Variants in FGF14 observed in about 807,000 individuals in gnomAD.
The protein encoded by FGF14 is fibroblast growth factor homologous factor 4.
FGF14 carries 5 observed loss-of-function variants against 25.5 expected under a neutral mutation model. The observed-to-expected ratio is 0.20, with a 90% CI of 0.10 to 0.41. The LOEUF (loss-of-function observed/expected upper bound fraction) is 0.41. FGF14 is among the 10% of genes least tolerant of loss of function. The probability of loss-of-function intolerance (pLI) is 1.00; values close to 1 mark genes in which losing one functional copy is unlikely to be tolerated. For synonymous variants in FGF14, 138 were observed against 118.3 expected, an observed-to-expected ratio of 1.17 and a Z score of -1.08; for missense variants, 222 against 320.1, an observed-to-expected ratio of 0.69 and a Z score of 2.34.
In FGF14 at chr13:102,256,285, C is replaced by T. The variant is rs116878743; in HGVS notation, c.208+145186G>A. ...GCATTTTGGAAGACCGAGAGCTTAG[C>T]GGTTCAAGACCAACCTGGGCAACAC... On this transcript the variant is annotated intron_variant, in intron 1 of 4. Coordinates refer to the FGF14 transcript ENST00000376131. Among the ~76,000 whole-genome samples, 1,401 of 151,820 alleles carry T rather than the reference C, an allele frequency of 9.2e-3. 6 individuals are homozygous for T. Among genetic ancestry groups the T allele is most frequent in the Middle Eastern group, 0.034 (10 of 294 alleles).
chr13:101,776,695 A>G (rs1243213149), intron 3 of FGF14, among the ~76,000 whole-genome samples: 1 of 152,174 alleles, frequency 6.6e-6, no homozygotes, highest in African/African-American at 2.4e-5. Context: ...AGCATGTTCT[A>G]TAGCTACTCT....
chr13:102,189,240 A>C (rs1755005), intron 1 of FGF14, among the ~76,000 whole-genome samples: 30,498 of 151,978 alleles, frequency 0.2, 3,218 homozygotes, highest in South Asian at 0.24. Flanking sequence ...AGTTGGTTTT[A>C]GTCAAATTGA....
chr13:102,161,564 GTGAAGAAAGAAAGAAGAAGAAGA>G lies in FGF14; in HGVS notation c.208+239884_208+239906del, dbSNP rs1566763503. 8.7e-3 allele frequency among the ~76,000 whole-genome samples: 76 copies of G among 8,704 alleles called. 4 individuals carry two copies. Among genetic ancestry groups the G allele is most frequent in the Non-Finnish European group, 0.012 (65 of 5,554 alleles). The allele number at this position is 8,704 out of a possible 152,430, so 5.7% of individuals were successfully genotyped here. On this transcript the variant is annotated intron_variant, in intron 1 of 4. Transcript: ENST00000376131. ...ATATTCTCTATGCAACCAACTTTCTGTGAAGAAAGAAAGAAGAAGAAGAAGAAGAAGAAGAAGAAGAAGAAGAA... is the reference window on the plus strand; with the variant it reads ...ATATTCTCTATGCAACCAACTTTCTGAGAAGAAGAAGAAGAAGAAGAAGAA...
At chr13:102,128,170 G>A (rs1004008868) in intron 1 of FGF14, among the ~76,000 whole-genome samples, 1 of 152,166 alleles carries the variant, frequency 6.6e-6, no homozygotes, top group Non-Finnish European at 1.5e-5. Context: ...CTGTGCCTCG[G>A]CTTTCTCATC....
At chr13:102,277,005 G>A (rs925951073) in intron 1 of FGF14, among the ~76,000 whole-genome samples, 3 of 152,166 alleles carry the variant, frequency 2.0e-5, no homozygotes, top group African/African-American at 7.2e-5. Context: ...CTACAAAGAT[G>A]ATGGAAGGAT....
At chr13:101,949,603 A>G (rs1189938741) in intron 1 of FGF14, among the ~76,000 whole-genome samples, 2 of 152,160 alleles carry the variant, frequency 1.3e-5, no homozygotes, top group Non-Finnish European at 2.9e-5. Flanking sequence ...TTACTGTACT[A>G]TGGGGATTTA....
chr13:102,111,708 T>G (rs1282671647), intron 1 of FGF14, among the ~76,000 whole-genome samples: 1 of 147,566 alleles, frequency 6.8e-6, no homozygotes, highest in Non-Finnish European at 1.5e-5. Context: ...AGAGCAAGAT[T>G]CTGTCTAAAA....
intron 1 of FGF14, among the ~76,000 whole-genome samples, chr13:102,245,260 A>G (rs1338954379): frequency 1.3e-5 from 2 of 152,142 alleles, no homozygotes; most frequent in Admixed American, 1.3e-4. Flanking sequence ...AGAATAATGT[A>G]GTTGTGTGTC....
rs575533742 is a variant in FGF14, at chr13:101,970,909, A to G, written c.209-95613T>C. Among the ~76,000 whole-genome samples the G allele has an allele frequency of 9.9e-5, 15 of 152,202 alleles. No homozygotes were observed. In the East Asian group the frequency reaches 2.9e-3, roughly 29 times the overall value. On this transcript the variant is annotated intron_variant, in intron 1 of 4. Coordinates refer to the FGF14 transcript ENST00000376131. The stretch of plus-strand genomic sequence containing the variant: ...ACCCTCCAGGAGCCTTGAAGCCCCT[A>G]TTTCTCTCTGTAGCTCAAAATGATA...
chr13:102,280,319 C>T (rs908991785), intron 1 of FGF14, among the ~76,000 whole-genome samples: 24 of 152,150 alleles, frequency 1.6e-4, no homozygotes, highest in African/African-American at 5.8e-4. Context: ...AGAGAACTGC[C>T]TTTGTTTAGG....
chr13:102,135,804 C>T (rs1228546606), intron 1 of FGF14, among the ~76,000 whole-genome samples: 1 of 152,106 alleles, frequency 6.6e-6, no homozygotes, highest in Non-Finnish European at 1.5e-5. Context: ...TACAAGCATG[C>T]ATCACCACGC....
At chr13:101,811,320 A>G (rs1002898063) in intron 3 of FGF14, among the ~76,000 whole-genome samples, 1 of 152,054 alleles carries the variant, frequency 6.6e-6, no homozygotes, top group African/African-American at 2.4e-5. Context: ...TCCTGTCTCT[A>G]TCATTGTGCT....
At chr13:102,057,957 C>A (rs1595132834) in intron 1 of FGF14, among the ~76,000 whole-genome samples, 1 of 152,276 alleles carries the variant, frequency 6.6e-6, no homozygotes, top group South Asian at 2.1e-4. Context: ...TGAAATTCCT[C>A]CACTGATAAT....
chr13:102,195,353 AAG>A (rs1310237366), intron 1 of FGF14, among the ~76,000 whole-genome samples: 25 of 152,176 alleles, frequency 1.6e-4, no homozygotes, highest in African/African-American at 6.0e-4. Context: ...AGCACAAAGA[AAG>A]GGGGAAAAGT....
intron 1 of FGF14, among the ~76,000 whole-genome samples, chr13:102,038,690 C>A (rs1245725807): frequency 6.6e-6 from 1 of 152,176 alleles, no homozygotes; most frequent in Non-Finnish European, 1.5e-5. Context: ...CACTGTGAGA[C>A]AGTCAGATCC....
intron 1 of FGF14, among the ~76,000 whole-genome samples, chr13:102,305,820 T>G (rs1305712964): frequency 2.0e-5 from 3 of 152,292 alleles, no homozygotes; most frequent in Middle Eastern, 3.4e-3. Flanking sequence ...AACTTATAGA[T>G]GCACCTAAGG....
At position 102,225,753 on chromosome 13, in the gene FGF14, C is replaced by T. The variant is rs543531550; in HGVS notation, c.208+175718G>A. 3.0e-4 allele frequency among the ~76,000 whole-genome samples: 46 copies of T among 152,300 alleles called. 1 individual carries two copies. The South Asian group carries it at 3.3e-3, about 11-fold the overall frequency. On this transcript the variant is annotated intron_variant, in intron 1 of 4. Coordinates refer to the FGF14 transcript ENST00000376131. ...TTTTTGGTTTTCTATTGCAATATTACAAACCAGACTACTTCTTGGAGACAT... is the reference window on the plus strand; with the variant it reads ...TTTTTGGTTTTCTATTGCAATATTATAAACCAGACTACTTCTTGGAGACAT...
intron 3 of FGF14, among the ~76,000 whole-genome samples, chr13:101,767,401 A>G (rs2038477227): frequency 6.6e-6 from 1 of 152,146 alleles, no homozygotes; most frequent in Non-Finnish European, 1.5e-5. Context: ...AGTGCAGCAC[A>G]GGTTGAAAGC....
intron 1 of FGF14, among the ~76,000 whole-genome samples, chr13:102,333,309 T>A (rs550359390): frequency 3.3e-5 from 5 of 152,260 alleles, no homozygotes; most frequent in African/African-American, 1.2e-4. Flanking sequence ...AGAAAATCAG[T>A]GTGTGTCTGT....
Sources: gnomAD v4.1 joint callset for allele counts (sites outside exome capture counted in the v4.1 genomes callset) on GRCh38, gnomAD v4.1.1 for gene constraint, MANE v1.5 for transcripts, NCBI Gene and HGNC (gene_info 2026-07-23, HGNC 2026-07-21) for gene names.